The following ARID1B variants were observed in gnomAD, a reference collection of about 807,000 sequenced individuals.
The protein encoded by ARID1B is AT-rich interactive domain-containing protein 1B.
A neutral mutation model predicts 212.3 loss-of-function variants in ARID1B; 30 were observed. The observed-to-expected ratio is 0.14, with a 90% CI of 0.11 to 0.19. ARID1B has a LOEUF of 0.19. ARID1B is among the 10% of genes least tolerant of loss of function. The pLI is 1.00. For synonymous variants in ARID1B, 1,402 were observed against 1,301.7 expected, an observed-to-expected ratio of 1.08 and a Z score of -1.66; for missense variants, 2,891 against 3,204.0, an observed-to-expected ratio of 0.90 and a Z score of 2.36.
At chr6:156,983,377 A>G (rs1355787767) in intron 4 of ARID1B, among the ~76,000 whole-genome samples, 1 of 152,204 alleles carries the variant, frequency 6.6e-6, no homozygotes, top group East Asian at 1.9e-4. Context: ...CCTGGGCGAC[A>G]GAGCGAGGCT....
chr6:156,899,196 A>G (rs1788726689), intron 2 of ARID1B, among the ~76,000 whole-genome samples: 1 of 151,958 alleles, frequency 6.6e-6, no homozygotes, highest in African/African-American at 2.4e-5. Context: ...TTGGAGATGT[A>G]AGGCAGAGTC....
At chr6:156,793,467 C>G (rs545261643) in intron 1 of ARID1B, among the ~76,000 whole-genome samples, 34 of 152,258 alleles carry the variant, frequency 2.2e-4, no homozygotes, top group African/African-American at 7.5e-4. Context: ...TCGTGAGTAT[C>G]TGGGCCTACA....
intron 5 of ARID1B, among the ~76,000 whole-genome samples, chr6:157,091,128 G>A (rs373339542): frequency 3.9e-5 from 6 of 152,262 alleles, no homozygotes; most frequent in East Asian, 1.9e-4. Flanking sequence ...GTCCTCCTAC[G>A]CCACAAAGCA....
chr6:157,167,331 C>T, intron 9 of ARID1B, 146 bp downstream of exon 9: 3 of 898,658 alleles, frequency 3.3e-6, no homozygotes, highest in African/African-American at 1.7e-5. Context: ...TTCTCAGAAA[C>T]TTGCTCCATC....
At chr6:157,078,471 T>C (rs1042989843) in intron 4 of ARID1B, among the ~76,000 whole-genome samples, 2 of 152,224 alleles carry the variant, frequency 1.3e-5, no homozygotes, top group Non-Finnish European at 2.9e-5. Flanking sequence ...CTTTCTAGTC[T>C]ACGTAACTCC....
At chr6:156,809,158 G>A (rs778229692) in intron 1 of ARID1B, among the ~76,000 whole-genome samples, 1 of 152,108 alleles carries the variant, frequency 6.6e-6, no homozygotes, top group African/African-American at 2.4e-5. Context: ...GCACATAAAG[G>A]CTCAGTCTGT....
chr6:156,975,101 T>G (rs1777143896), intron 4 of ARID1B, among the ~76,000 whole-genome samples: 1 of 152,246 alleles, frequency 6.6e-6, no homozygotes, highest in Admixed American at 6.5e-5. Context: ...ACTGCCACAC[T>G]GTTTTCCAAA....
At chr6:156,962,407 T>C (rs1399332750) in intron 4 of ARID1B, among the ~76,000 whole-genome samples, 1 of 152,232 alleles carries the variant, frequency 6.6e-6, no homozygotes, top group Admixed American at 6.5e-5. Context: ...ATTTTATTTT[T>C]TAATTTTAGA....
At chr6:157,156,706 C>T (rs746784147) in intron 8 of ARID1B, among the ~76,000 whole-genome samples, 4 of 152,146 alleles carry the variant, frequency 2.6e-5, no homozygotes, top group Non-Finnish European at 4.4e-5. Flanking sequence ...GGCCAAGGCG[C>T]GGGAGCCTCA....
intron 4 of ARID1B, among the ~76,000 whole-genome samples, chr6:157,029,094 A>G (rs945305029): frequency 1.1e-4 from 17 of 152,256 alleles, no homozygotes; most frequent in Middle Eastern, 3.2e-3. Context: ...CCATCAGTTT[A>G]TAAGAACTAA....
intron 3 of ARID1B, among the ~76,000 whole-genome samples, chr6:156,922,618 G>A (rs568339206): frequency 6.6e-6 from 1 of 152,320 alleles, no homozygotes; most frequent in Admixed American, 6.5e-5. Context: ...GTTGAATGTG[G>A]TTATTTGCAG....
At chr6:156,841,261 G>A (rs1217842532) in intron 2 of ARID1B, among the ~76,000 whole-genome samples, 1 of 152,018 alleles carries the variant, frequency 6.6e-6, no homozygotes. Flanking sequence ...TGCTTTATGG[G>A]GGCTGCTGCC....
intron 17 of ARID1B, 23 bp downstream of exon 17, chr6:157,198,930 G>T: frequency 6.4e-7 from 1 of 1,561,398 alleles, no homozygotes; most frequent in Non-Finnish European, 8.7e-7. Context: ...GTGGGCGTGG[G>T]GTGCTGTGTT....
At chr6:157,144,765 T>C (rs6557532) in intron 7 of ARID1B, among the ~76,000 whole-genome samples, 15,311 of 152,178 alleles carry the variant, frequency 0.1, 1,127 homozygotes, top group African/African-American at 0.2. Flanking sequence ...GACTGCGTGA[T>C]GGGAAAACAG....
At chr6:156,862,442 A>G (rs1049884595) in intron 2 of ARID1B, among the ~76,000 whole-genome samples, 12 of 152,210 alleles carry the variant, frequency 7.9e-5, no homozygotes, top group African/African-American at 2.9e-4. Context: ...AGGGGGGTAT[A>G]TGGCGAAAGA....
At position 156,875,982 on chromosome 6, in the gene ARID1B, T is replaced by C. The variant is rs1040255239; in HGVS notation, c.1987-25394T>C. On this transcript the variant is annotated intron_variant, in intron 2 of 19. Transcript: ENST00000636930. The stretch of plus-strand genomic sequence containing the variant: ...ATTCCATTCCAGATTTTAGTGTTAC[T>C]GAAGTGTACTGTTGAATATTCCAAA... Among the ~76,000 whole-genome samples, 7 of 152,380 alleles carry C rather than the reference T, an allele frequency of 4.6e-5. 1 individual carries two copies. In the East Asian group the frequency reaches 1.2e-3, roughly 25 times the overall value.
chr6:156,995,024 GC>G (rs1778507821), intron 4 of ARID1B, among the ~76,000 whole-genome samples: 1 of 152,178 alleles, frequency 6.6e-6, no homozygotes. Flanking sequence ...CTTTGCAGGG[GC>G]CCCTCTTGCA....
At chr6:156,892,068 T>C (rs1339939051) in intron 2 of ARID1B, among the ~76,000 whole-genome samples, 1 of 138,442 alleles carries the variant, frequency 7.2e-6, no homozygotes, top group Non-Finnish European at 1.6e-5. Context: ...TTCTTTTTTT[T>C]TTTGTATTTT....
Position 157,148,980 on chromosome 6 carries a change from A to C in ARID1B, c.3089+29A>C, listed in dbSNP as rs762151486. The C allele has an allele frequency of 5.7e-6, 9 of 1,589,636 alleles. No individual in the cohort carries two copies. The highest frequency in any genetic ancestry group is 3.4e-5 in the South Asian group (3 of 89,182). Reference sequence around the variant, plus strand: ...CGCCACCCAGGAGCACGCCCCGGGCAGGTACGCTGTGTGTCTACCCGTGAC... The same window carrying C: ...CGCCACCCAGGAGCACGCCCCGGGCCGGTACGCTGTGTGTCTACCCGTGAC... On this transcript the variant is annotated intron_variant, in intron 8 of 19. Coordinates refer to ENST00000636930, the MANE Select transcript of ARID1B (RefSeq NM_001374828.1). This position sits in a 1 kb window ranked among gnomAD's most constrained non-coding sequence, Gnocchi z 5.6.
Sources: gnomAD v4.1 joint callset for allele counts (sites outside exome capture counted in the v4.1 genomes callset) on GRCh38, gnomAD v4.1.1 for gene constraint, Gnocchi (gnomAD v3.1) non-coding constraint, MANE v1.5 for transcripts, NCBI Gene and HGNC (gene_info 2026-07-23, HGNC 2026-07-21) for gene names.